MAP3K9: variants seen among roughly 807,000 people sequenced by gnomAD.
The protein encoded by MAP3K9 is mixed lineage kinase 1 (tyr and ser/thr specificity).
In MAP3K9, 46 loss-of-function variants were observed where a neutral mutation model predicts 95.8. The observed-to-expected ratio is 0.48, with a 90% confidence interval of 0.38 to 0.61. The LOEUF (loss-of-function observed/expected upper bound fraction) is 0.61, where lower values mean the gene tolerates loss of function less well. MAP3K9 is among the 20% of genes least tolerant of loss of function. MAP3K9 has a pLI of 0.00. For synonymous variants in MAP3K9, 533 were observed against 593.8 expected, an observed-to-expected ratio of 0.90 and a Z score of 1.49; for missense variants, 1,296 against 1,474.3, an observed-to-expected ratio of 0.88 and a Z score of 1.98.
chr14:70,789,275 C>T (rs2054781375), intron 2 of MAP3K9, among the ~76,000 whole-genome samples: 1 of 152,124 alleles, frequency 6.6e-6, no homozygotes, highest in Non-Finnish European at 1.5e-5. Context: ...ATTAAATCTG[C>T]CTGTTTCGGT....
chr14:70,781,477 C>T (rs2139826457), intron 2 of MAP3K9, among the ~76,000 whole-genome samples: 1 of 152,342 alleles, frequency 6.6e-6, no homozygotes, highest in East Asian at 1.9e-4. Flanking sequence ...AAATTCCTGA[C>T]CCAAGTCTCC....
chr14:70,809,072 C>CCTCCTG lies in MAP3K9; in HGVS notation c.99_100insCAGGAG (p.Glu33_Glu34insGlnGlu). 6.9e-7 allele frequency: 1 copy of CCTCCTG among 1,445,112 alleles called. No homozygotes were observed. Among genetic ancestry groups the CCTCCTG allele is most frequent in the Non-Finnish European group, 9.0e-7 (1 of 1,105,988 alleles). The allele number at this position is 1,445,112 out of a possible 1,614,324, so 89.5% of individuals were successfully genotyped here. ...GCCGCCGCCGCCTCCTCCTCCTCCT[C>CCTCCTG]CTCCTCCTCCTCGGCCCCGGCCCCT... On this transcript the variant is annotated inframe_insertion, in exon 1 of 12. Coordinates refer to ENST00000554752, the MANE Select transcript of MAP3K9 (RefSeq NM_001284230.2).
rs1355766995 is a variant in MAP3K9, at chr14:70,805,332, T to C, written c.406+3434A>G. On this transcript the variant is annotated intron_variant, in intron 1 of 11. Transcript: ENST00000554752. ...AACATAAACTAATAACCTTAATGTA[T>C]GCCCTGTTTGAAAACTGAAACAACT... Among the ~76,000 whole-genome samples, 5 of 152,224 alleles carry C rather than the reference T, an allele frequency of 3.3e-5. No individual in the cohort carries two copies. In the East Asian group the frequency reaches 5.8e-4, roughly 18 times the overall value.
At chr14:70,735,158 C>T (rs936709580) in intron 9 of MAP3K9, among the ~76,000 whole-genome samples, 1 of 152,108 alleles carries the variant, frequency 6.6e-6, no homozygotes, top group East Asian at 1.9e-4. Context: ...GACAGGAGCT[C>T]GCTTTCAAAT....
chr14:70,750,516 G>A (rs763862977), intron 3 of MAP3K9, among the ~76,000 whole-genome samples: 9 of 152,076 alleles, frequency 5.9e-5, no homozygotes, highest in African/African-American at 1.2e-4. Context: ...ATGGAGTTTC[G>A]CTCGGTTGCT....
In MAP3K9 at chr14:70,727,845, A is replaced by ACCT. The variant is rs2053839462; in HGVS notation, c.*2532_*2534dup. 2 of 152,186 alleles carry ACCT rather than the reference A, an allele frequency of 1.3e-5. No individual in the cohort carries two copies. Among genetic ancestry groups the ACCT allele is most frequent in the Admixed American group, 1.3e-4 (2 of 15,284 alleles). The allele number at this position is 152,186 out of a possible 1,614,324, so 9.4% of individuals were successfully genotyped here. On this transcript the variant is annotated 3_prime_UTR_variant, in exon 12 of 12. Coordinates refer to ENST00000554752, the MANE Select transcript of MAP3K9 (RefSeq NM_001284230.2). ...AGTGGACAAGTAAGGATGGCACTCAACCTCTCACTCAATGGCAGGTGACCA... is the reference window on the plus strand; with the variant it reads ...AGTGGACAAGTAAGGATGGCACTCAACCTCCTCTCACTCAATGGCAGGTGACCA...
At position 70,809,056 on chromosome 14, in the gene MAP3K9, GCCTCCTCCT is replaced by G. The variant is rs397840789; in HGVS notation, c.107_115del (p.Glu36_Glu38del). On this transcript the variant is annotated inframe_deletion, in exon 1 of 12. Transcript: ENST00000554752. ...CTCCCCGGGGCCCACCGCCGCCGCCGCCTCCTCCTCCTCCTCCTCCTCCTCCTCGGCCCC... is the reference window on the plus strand; with the variant it reads ...CTCCCCGGGGCCCACCGCCGCCGCCGCCTCCTCCTCCTCCTCCTCGGCCCC... 113 of 1,422,702 alleles carry G rather than the reference GCCTCCTCCT, an allele frequency of 7.9e-5. No individual in the cohort carries two copies. Among genetic ancestry groups the G allele is most frequent in the African/African-American group, 1.8e-4 (12 of 66,136 alleles). The allele number at this position is 1,422,702 out of a possible 1,614,324, so 88.1% of individuals were successfully genotyped here. A position where few individuals can be genotyped will look rare whatever the true frequency, so the allele number is the denominator to read the frequency against.
At chr14:70,747,569 C>A (rs906000174) in intron 5 of MAP3K9, among the ~76,000 whole-genome samples, 3 of 152,070 alleles carry the variant, frequency 2.0e-5, no homozygotes, top group Admixed American at 1.3e-4. Context: ...AATCAGAAGA[C>A]CCACATTCAA....
chr14:70,739,826 G>T, intron 7 of MAP3K9: 1 of 1,436,800 alleles, frequency 7.0e-7, no homozygotes, highest in Non-Finnish European at 9.3e-7. Flanking sequence ...GCTGATATGT[G>T]ACTAAAAGGT....
rs773594271 is a variant in MAP3K9, at chr14:70,750,093, A to AAGAAGAC, written c.1002-19_1002-13dup. ...GTAGCACCCCATAGCTAAGGAGAGG[A>AAGAAGAC]AGAAGACAGAAGCCATGTAATAAAC... On this transcript the variant is annotated splice_polypyrimidine_tract_variant and intron_variant, in intron 3 of 11. Transcript: ENST00000554752. 6.2e-7 allele frequency: 1 copy of AAGAAGAC among 1,613,740 alleles called. No homozygotes were observed. Among genetic ancestry groups the AAGAAGAC allele is most frequent in the African/African-American group, 1.3e-5 (1 of 74,924 alleles).
In MAP3K9 at chr14:70,734,734, A is replaced by C. The variant is rs17108454; in HGVS notation, c.1914-236T>G. On this transcript the variant is annotated intron_variant, in intron 9 of 11. Coordinates refer to ENST00000554752, the MANE Select transcript of MAP3K9 (RefSeq NM_001284230.2). ...CATCCCCCTCACATGCTGCTGTGGAACTGTAGAAAGAACTAGTGGGCAAGC... is the reference window on the plus strand; with the variant it reads ...CATCCCCCTCACATGCTGCTGTGGACCTGTAGAAAGAACTAGTGGGCAAGC... Among the ~76,000 whole-genome samples, 34,326 of 152,172 alleles carry C rather than the reference A, an allele frequency of 0.23. 4,008 individuals carry two copies. Among genetic ancestry groups the C allele is most frequent in the East Asian group, 0.34 (1,765 of 5,180 alleles).
chr14:70,761,980 C>T (rs1429395002), intron 2 of MAP3K9, among the ~76,000 whole-genome samples: 2 of 152,204 alleles, frequency 1.3e-5, no homozygotes, highest in Non-Finnish European at 1.5e-5. Context: ...TTTACCTAGT[C>T]TGAATACTTC....
intron 3 of MAP3K9, among the ~76,000 whole-genome samples, chr14:70,750,838 G>T (rs2054215899): frequency 6.6e-6 from 1 of 152,102 alleles, no homozygotes; most frequent in South Asian, 2.1e-4. Context: ...AGCCTCCCAA[G>T]TATAATTTTT....
rs1431610568 is a variant in MAP3K9 at position 70,737,260 on chromosome 14, GCTCATC to G, written c.1844+979_1844+984del. On this transcript the variant is annotated intron_variant, in intron 8 of 11. Coordinates refer to ENST00000554752, the MANE Select transcript of MAP3K9 (RefSeq NM_001284230.2). ...ATTTACATACGCTCACTATGGGCCA[GCTCATC>G]CTCTCTGCACTCACAAAGATGAACT... Among the ~76,000 whole-genome samples, 5 of 152,182 alleles carry G rather than the reference GCTCATC, an allele frequency of 3.3e-5. No individual in the cohort carries two copies. In the East Asian group the frequency reaches 9.6e-4, roughly 29 times the overall value.
chr14:70,740,126 T>C lies in MAP3K9; in HGVS notation c.1606A>G (p.Met536Val), dbSNP rs745969786. 2.5e-5 allele frequency: 41 copies of C among 1,613,984 alleles called. 1 individual carries two copies. The South Asian group carries it at 3.6e-4, about 14-fold the overall frequency. ...TTGATAAGACTCTTCCTTTTATCCA[T>C]GGTAGGGGAGGCCTGCACCGTGAAC... ...HKFTVQASPT[M>V]DKRKSLINSR... The change falls in exon 7 of 12, where the codon ATG becomes GTG. Residue 536 changes from methionine to valine, a missense_variant. Transcript: ENST00000554752.
At position 70,808,790 on chromosome 14, in the gene MAP3K9, G is replaced by A. The variant is rs1410806280; in HGVS notation, c.382C>T (p.Pro128Ser). 1.3e-6 allele frequency: 2 copies of A among 1,587,652 alleles called. No individual in the cohort carries two copies. Among genetic ancestry groups the A allele is most frequent in the Non-Finnish European group, 1.7e-6 (2 of 1,170,176 alleles). ...SSRCQPGGED[P>S]SCYPPIQLLE... Reference sequence around the variant, plus strand: ...CACTGAATGGGCGGGTAGCAACTGGGGTCCTCGCCGCCGGGCTGGCAGCGG... The same window carrying A: ...CACTGAATGGGCGGGTAGCAACTGGAGTCCTCGCCGCCGGGCTGGCAGCGG... The change falls in exon 1 of 12, where the codon CCC becomes TCC. Residue 128 changes from proline (P) to serine (S), a missense_variant. Around this residue, in one of 5 missense-constraint regions of MAP3K9, gnomAD observed 338 missense variants for 363.4 expected, o/e 0.93. Transcript: ENST00000554752.
intron 2 of MAP3K9, chr14:70,765,490 G>C: frequency 1.5e-6 from 1 of 689,348 alleles, no homozygotes; most frequent in South Asian, 1.5e-5. Context: ...TGAGTGTTCT[G>C]TAAAGAAGTA....
At chr14:70,780,875 C>T (rs996929123) in intron 2 of MAP3K9, among the ~76,000 whole-genome samples, 22 of 152,200 alleles carry the variant, frequency 1.4e-4, no homozygotes, top group East Asian at 1.9e-4. Flanking sequence ...ATCAGATGCT[C>T]GATGGTTTTG....
At chr14:70,747,493 G>T (rs527971174) in intron 5 of MAP3K9, among the ~76,000 whole-genome samples, 1 of 152,270 alleles carries the variant, frequency 6.6e-6, no homozygotes, top group Non-Finnish European at 1.5e-5. Context: ...AACCAGTGTT[G>T]GGTATGTCTT....
Sources: gnomAD v4.1 joint callset for allele counts (sites outside exome capture counted in the v4.1 genomes callset) on GRCh38, gnomAD v4.1.1 for gene constraint, gnomAD v4.1.1 regional missense constraint, MANE v1.5 for transcripts, NCBI Gene and HGNC (gene_info 2026-07-23, HGNC 2026-07-21) for gene names.